Variants in ABHD17B observed in about 807,000 individuals in gnomAD.
ABHD17B encodes abhydrolase domain containing 17B, depalmitoylase.
A neutral mutation model predicts 26.2 loss-of-function variants in ABHD17B; 9 were observed. The observed-to-expected ratio is 0.34, with a 90% CI of 0.21 to 0.60. The LOEUF is 0.60. Among genes scored for constraint, ABHD17B ranks in the 20% least tolerant of loss-of-function variants. The probability of loss-of-function intolerance (pLI) is 0.80; values close to 1 mark genes in which losing one functional copy is unlikely to be tolerated. For missense variants in ABHD17B, 224 were observed against 352.1 expected (o/e 0.64, Z 2.91); for synonymous variants, 127 against 122.3 (o/e 1.04, Z -0.25).
chr9:71,868,038 C>T (rs1275053055), intron 3 of ABHD17B, among the ~76,000 whole-genome samples: 14 of 118,418 alleles, frequency 1.2e-4, no homozygotes, highest in Non-Finnish European at 2.2e-4. Flanking sequence ...GAAACCCCGT[C>T]TCTACTAAAA....
At chr9:71,890,175 AG>A (rs1826740704) in intron 1 of ABHD17B, among the ~76,000 whole-genome samples, 1 of 152,136 alleles carries the variant, frequency 6.6e-6, no homozygotes, top group African/African-American at 2.4e-5. Flanking sequence ...CTGCAATCCC[AG>A]CTAGTCGGGA....
At chr9:71,896,839 T>C (rs1036822814) in intron 1 of ABHD17B, among the ~76,000 whole-genome samples, 3 of 152,202 alleles carry the variant, frequency 2.0e-5, no homozygotes, top group African/African-American at 7.2e-5. Flanking sequence ...TAGGTTTTCA[T>C]GTTGTTACAA....
chr9:71,863,846 G>A (rs1372168312), downstream of ABHD17B, among the ~76,000 whole-genome samples: 4 of 152,104 alleles, frequency 2.6e-5, no homozygotes, highest in East Asian at 7.7e-4. Flanking sequence ...AGCTGGTTTG[G>A]GAGTTTCAGT....
At position 71,866,702 on chromosome 9, in the gene ABHD17B, A is replaced by C; in HGVS notation, c.*85T>G. 1 of 1,539,944 alleles carries C rather than the reference A, an allele frequency of 6.5e-7. No individual in the cohort carries two copies. Among genetic ancestry groups the C allele is most frequent in the South Asian group, 1.2e-5 (1 of 80,854 alleles). The stretch of plus-strand genomic sequence containing the variant: ...ATGAAGGCAACTGACATGATTTGCA[A>C]ACAAAACCTTCAGGTTTTATGTTAT... On this transcript the variant is annotated 3_prime_UTR_variant, in exon 4 of 4. Coordinates refer to ENST00000333421, the MANE Select transcript of ABHD17B (RefSeq NM_001025780.3).
chr9:71,900,873 GGT>G (rs1491398069), intron 1 of ABHD17B, among the ~76,000 whole-genome samples: 9 of 151,992 alleles, frequency 5.9e-5, no homozygotes, highest in African/African-American at 2.2e-4. Flanking sequence ...GCATGGGCTG[GGT>G]GCAGTGGCTC....
chr9:71,891,025 A>G (rs1278407372), intron 1 of ABHD17B, among the ~76,000 whole-genome samples: 1 of 152,084 alleles, frequency 6.6e-6, no homozygotes, highest in Non-Finnish European at 1.5e-5. Flanking sequence ...ACAACTCCCA[A>G]GCACTACCCC....
At chr9:71,878,376 T>A (rs930361346) in intron 1 of ABHD17B, among the ~76,000 whole-genome samples, 1 of 152,064 alleles carries the variant, frequency 6.6e-6, no homozygotes, top group Non-Finnish European at 1.5e-5. Context: ...AATATCACTA[T>A]CCATACTATA....
intron 1 of ABHD17B, among the ~76,000 whole-genome samples, chr9:71,893,525 G>GTA (rs1480652324): frequency 7.9e-5 from 12 of 152,214 alleles, no homozygotes; most frequent in Non-Finnish European, 1.8e-4. Context: ...CATGTAGGAA[G>GTA]GGGATGCCAC....
chr9:71,869,577 A>C (rs1476624439), intron 3 of ABHD17B, among the ~76,000 whole-genome samples: 2 of 152,142 alleles, frequency 1.3e-5, no homozygotes, highest in African/African-American at 4.8e-5. Flanking sequence ...ATACTTACTA[A>C]TCTAGTTAAT....
intron 1 of ABHD17B, among the ~76,000 whole-genome samples, chr9:71,877,888 T>C (rs1198017093): frequency 1.3e-5 from 2 of 152,172 alleles, no homozygotes; most frequent in Non-Finnish European, 2.9e-5. Context: ...TCCTTAATGC[T>C]GACAGAATGA....
intron 1 of ABHD17B, among the ~76,000 whole-genome samples, chr9:71,896,681 A>AC (rs1826966300): frequency 1.4e-5 from 2 of 147,598 alleles, no homozygotes; most frequent in African/African-American, 5.0e-5. Flanking sequence ...CTTCTACCAA[A>AC]ACACACACAC....
At chr9:71,905,240 A>G (rs1288135986) in intron 1 of ABHD17B, among the ~76,000 whole-genome samples, 2 of 151,808 alleles carry the variant, frequency 1.3e-5, no homozygotes, top group Non-Finnish European at 2.9e-5. Flanking sequence ...CTCCTGTCTC[A>G]GCCTCCTGAG....
At chr9:71,864,293 C>G (rs747654469), downstream of ABHD17B, among the ~76,000 whole-genome samples, 1 of 144,370 alleles carries the variant, frequency 6.9e-6, no homozygotes, top group Non-Finnish European at 1.5e-5. Context: ...GATCTCGGCT[C>G]ACTGCAACCT....
At chr9:71,901,375 C>T (rs922862295) in intron 1 of ABHD17B, among the ~76,000 whole-genome samples, 4 of 152,050 alleles carry the variant, frequency 2.6e-5, no homozygotes, top group Admixed American at 6.6e-5. Context: ...TTAACAATTT[C>T]GAAGTATAAC....
At chr9:71,907,108 T>C (rs1252952024) in intron 1 of ABHD17B, among the ~76,000 whole-genome samples, 3 of 152,184 alleles carry the variant, frequency 2.0e-5, no homozygotes, top group African/African-American at 7.2e-5. Context: ...ACACAACAGA[T>C]ACCTAACATA....
chr9:71,877,256 A>G (rs1826304020), intron 1 of ABHD17B, among the ~76,000 whole-genome samples: 1 of 152,204 alleles, frequency 6.6e-6, no homozygotes, highest in South Asian at 2.1e-4. Flanking sequence ...ACAAGGTATA[A>G]TATCAGTGCT....
chr9:71,882,818 T>C (rs1412996333), intron 1 of ABHD17B, among the ~76,000 whole-genome samples: 1 of 152,090 alleles, frequency 6.6e-6, no homozygotes, highest in Admixed American at 6.6e-5. Context: ...TGGGTGATTG[T>C]TGCACAATTC....
chr9:71,903,487 T>C (rs1433516148), intron 1 of ABHD17B, among the ~76,000 whole-genome samples: 1 of 152,240 alleles, frequency 6.6e-6, no homozygotes, highest in Admixed American at 6.5e-5. Flanking sequence ...TCTATGCAAT[T>C]AGCAACCTCA....
intron 1 of ABHD17B, among the ~76,000 whole-genome samples, chr9:71,888,631 G>C (rs1826681841): frequency 6.6e-6 from 1 of 151,868 alleles, no homozygotes; most frequent in Non-Finnish European, 1.5e-5. Flanking sequence ...TTTAAAAAGA[G>C]GTTCATATTA....
Sources: allele counts gnomAD v4.1 joint callset (sites outside exome capture counted in the v4.1 genomes callset), GRCh38; gene constraint gnomAD v4.1.1; transcripts MANE v1.5; gene names NCBI Gene and HGNC (gene_info 2026-07-23, HGNC 2026-07-21).